The following KCNG2 variants were observed in gnomAD, a reference collection of about 807,000 sequenced individuals.
The protein encoded by KCNG2 is voltage-gated potassium channel regulatory subunit KCNG2.
Under a neutral mutation model 12.3 loss-of-function variants are expected in KCNG2, and 7 were observed. The ratio of observed to expected loss-of-function variants is 0.57; its 90% CI spans 0.32 to 1.07. The LOEUF (loss-of-function observed/expected upper bound fraction) is 1.07, where lower values mean the gene tolerates loss of function less well. KCNG2 is among the 50% of genes least tolerant of loss of function. KCNG2 has a pLI of 0.04. For synonymous variants in KCNG2, 414 were observed against 351.4 expected, an observed-to-expected ratio of 1.18 and a Z score of -1.99; for missense variants, 703 against 726.0, an observed-to-expected ratio of 0.97 and a Z score of 0.36.
intron 3 of KCNG2, among the ~76,000 whole-genome samples, chr18:79,873,419 G>C (rs12969427): frequency 0.99 from 119,133 of 120,354 alleles, 58,960 homozygotes; most frequent in East Asian, 1. Flanking sequence ...GCTCCTGCCG[G>C]CCCCCCTCCC....
intron 1 of KCNG2, among the ~76,000 whole-genome samples, chr18:79,828,979 A>G (rs1978288842): frequency 1.0e-5 from 1 of 99,404 alleles, no homozygotes; most frequent in African/African-American, 4.0e-5. Flanking sequence ...GTGGGTGTCT[A>G]TGTGTGCGTG....
intron 3 of KCNG2, among the ~76,000 whole-genome samples, chr18:79,871,765 T>C (rs995847991): frequency 5.9e-5 from 9 of 152,206 alleles, no homozygotes; most frequent in Non-Finnish European, 1.2e-4. Context: ...ACGTCTGCGG[T>C]GCAGAGGGGC....
chr18:79,899,254 T>G lies in KCNG2; in HGVS notation c.839T>G (p.Leu280Arg). Residue 280 changes from leucine (L) to arginine (R), a missense_variant, in exon 4 of 4, where the codon CTG becomes CGG. By Grantham distance (102) the Leu-to-Arg change is moderately radical (BLOSUM62 -2). Transcript: ENST00000316249. ...LAAGPGGTKL[L>R]ERAGLVLRLL... is the part of the protein sequence containing the mutation. ...GCAGGCCCGGGCGGGACCAAGCTCC[T>G]GGAGCGCGCGGGGCTGGTGCTGCGG... The G allele has an allele frequency of 6.3e-7, 1 of 1,593,174 alleles. No homozygotes were observed. Among genetic ancestry groups the G allele is most frequent in the Non-Finnish European group, 8.5e-7 (1 of 1,176,030 alleles).
At chr18:79,893,203 C>T (rs55837071) in intron 3 of KCNG2, among the ~76,000 whole-genome samples, 2,604 of 152,188 alleles carry the variant, frequency 0.017, 78 homozygotes, top group African/African-American at 0.059. Context: ...TTGGGTTCTT[C>T]ACTCCATTCA....
At chr18:79,881,923 C>T (rs1980311554) in intron 3 of KCNG2, among the ~76,000 whole-genome samples, 3 of 152,106 alleles carry the variant, frequency 2.0e-5, no homozygotes, top group Admixed American at 2.0e-4. Context: ...GGCCAGCCGG[C>T]GTTTGGCAAA....
intron 1 of KCNG2, among the ~76,000 whole-genome samples, chr18:79,817,715 C>T (rs1411192572): frequency 6.6e-6 from 1 of 152,256 alleles, no homozygotes. Context: ...CCCTCCACAC[C>T]TCCCACCTTC....
chr18:79,852,248 G>T (rs145766426), intron 1 of KCNG2, among the ~76,000 whole-genome samples: 1 of 152,182 alleles, frequency 6.6e-6, no homozygotes, highest in African/African-American at 2.4e-5. Flanking sequence ...TTTCCCAAGC[G>T]CCCGCCCCGG....
At chr18:79,873,435 C>A (rs1333165576) in intron 3 of KCNG2, among the ~76,000 whole-genome samples, 1 of 145,820 alleles carries the variant, frequency 6.9e-6, no homozygotes, top group Non-Finnish European at 1.5e-5. Context: ...CTCCCCCCCC[C>A]CCAGCCACCT....
At chr18:79,866,354 T>TGG (rs1979544644) in intron 3 of KCNG2, among the ~76,000 whole-genome samples, 1 of 131,034 alleles carries the variant, frequency 7.6e-6, no homozygotes, top group African/African-American at 3.2e-5. Flanking sequence ...GAGAGGTCTG[T>TGG]GTGCTGAGGT....
chr18:79,838,585 AT>A (rs1460590357), intron 1 of KCNG2, among the ~76,000 whole-genome samples: 1 of 151,926 alleles, frequency 6.6e-6, no homozygotes, highest in Admixed American at 6.6e-5. Flanking sequence ...TAATTTTTAA[AT>A]TTTTTGTAGA....
intron 3 of KCNG2, among the ~76,000 whole-genome samples, chr18:79,895,831 C>G (rs886979065): frequency 6.6e-6 from 1 of 152,254 alleles, no homozygotes; most frequent in African/African-American, 2.4e-5. Context: ...ATAGTTGGGT[C>G]TGTGTCTGCC....
chr18:79,820,513 A>G (rs970993134), intron 1 of KCNG2, among the ~76,000 whole-genome samples: 2 of 152,154 alleles, frequency 1.3e-5, no homozygotes, highest in Non-Finnish European at 2.9e-5. Flanking sequence ...GCGATAGCTC[A>G]TATCTGCATT....
At chr18:79,860,678 T>C (rs1327135992) in intron 2 of KCNG2, among the ~76,000 whole-genome samples, 1 of 151,672 alleles carries the variant, frequency 6.6e-6, no homozygotes, top group African/African-American at 2.4e-5. Flanking sequence ...TGTGTGTGTG[T>C]GTGCGCATGT....
intron 1 of KCNG2, among the ~76,000 whole-genome samples, chr18:79,855,139 G>A (rs1978966249): frequency 6.6e-6 from 1 of 151,898 alleles, no homozygotes; most frequent in Non-Finnish European, 1.5e-5. Flanking sequence ...TTCCCAGGAG[G>A]CTGTGTGTGC....
At chr18:79,845,375 C>T (rs1409930118) in intron 1 of KCNG2, among the ~76,000 whole-genome samples, 1 of 152,122 alleles carries the variant, frequency 6.6e-6, no homozygotes, top group East Asian at 1.9e-4. Context: ...GTGGAGAAGG[C>T]GTTCCACGGT....
chr18:79,853,577 C>A (rs1019474627), intron 1 of KCNG2, among the ~76,000 whole-genome samples: 12 of 152,284 alleles, frequency 7.9e-5, no homozygotes, highest in Non-Finnish European at 1.6e-4. Context: ...GAGCTGGGAA[C>A]AGAGGGCAAG....
intron 1 of KCNG2, among the ~76,000 whole-genome samples, chr18:79,846,886 C>A (rs904185499): frequency 2.0e-4 from 31 of 152,158 alleles, no homozygotes; most frequent in Admixed American, 9.8e-4. Context: ...ATGAAGGCCC[C>A]ACTGAGGAGC....
chr18:79,828,986 C>T (rs533839919), intron 1 of KCNG2, among the ~76,000 whole-genome samples: 17 of 104,148 alleles, frequency 1.6e-4, no homozygotes, highest in Middle Eastern at 0.011. Flanking sequence ...TCTATGTGTG[C>T]GTGTGTGTAA....
chr18:79,871,271 G>A (rs576277039), intron 3 of KCNG2, among the ~76,000 whole-genome samples: 55 of 152,358 alleles, frequency 3.6e-4, no homozygotes, highest in African/African-American at 1.2e-3. Context: ...ACGTGCTTGC[G>A]TCTGTCGCAG....
Sources: allele counts gnomAD v4.1 joint callset (sites outside exome capture counted in the v4.1 genomes callset), GRCh38; gene constraint gnomAD v4.1.1; transcripts MANE v1.5; gene names NCBI Gene and HGNC (gene_info 2026-07-23, HGNC 2026-07-21).